Variants in DPYD observed in about 807,000 individuals in gnomAD.
DPYD encodes the protein dihydropyrimidine dehydrogenase [NADP(+)].
A neutral mutation model predicts 116.2 loss-of-function variants in DPYD; 109 were observed. The observed-to-expected ratio is 0.94, with a 90% CI of 0.80 to 1.10. DPYD has a LOEUF of 1.10. DPYD is among the 50% of genes least tolerant of loss of function. The pLI is 0.00. For missense variants in DPYD, 1,302 were observed against 1,254.5 expected (o/e 1.04, Z -0.57); for synonymous variants, 440 against 432.0 (o/e 1.02, Z -0.23).
At chr1:97,907,406 T>C (rs1300725279) in intron 1 of DPYD, among the ~76,000 whole-genome samples, 1 of 151,952 alleles carries the variant, frequency 6.6e-6, no homozygotes, top group Admixed American at 6.6e-5. Flanking sequence ...CATTTGTTCT[T>C]AACTTATTTC....
chr1:97,323,243 C>T (rs1470606290), intron 16 of DPYD, among the ~76,000 whole-genome samples: 1 of 102,624 alleles, frequency 9.7e-6, no homozygotes, highest in African/African-American at 3.2e-5. Context: ...TATGTATACA[C>T]ATTTATATAC....
intron 15 of DPYD, among the ~76,000 whole-genome samples, 168 bp from the exon 16 acceptor site, chr1:97,373,812 A>G (rs1671438940): frequency 2.0e-5 from 3 of 152,356 alleles, no homozygotes; most frequent in African/African-American, 7.2e-5. Flanking sequence ...TAAGGTCTAT[A>G]TAACAACCAC....
chr1:97,422,490 A>G (rs1336250284), intron 14 of DPYD, among the ~76,000 whole-genome samples: 1 of 152,156 alleles, frequency 6.6e-6, no homozygotes, highest in Non-Finnish European at 1.5e-5. Flanking sequence ...TGTACCAAAC[A>G]AAGGAGAGGT....
chr1:97,387,803 C>G (rs901090100), intron 14 of DPYD, among the ~76,000 whole-genome samples: 4 of 152,022 alleles, frequency 2.6e-5, no homozygotes, highest in Non-Finnish European at 5.9e-5. Context: ...GTTGTAGATT[C>G]ATGAGAGGAC....
chr1:97,500,548 T>C (rs1242357089), intron 13 of DPYD, among the ~76,000 whole-genome samples: 1 of 152,096 alleles, frequency 6.6e-6, no homozygotes, highest in Non-Finnish European at 1.5e-5. Context: ...TATCGTTTTT[T>C]ATTTTTTGCC....
At position 97,732,868 on chromosome 1, in the gene DPYD, A is replaced by G. The variant is rs1030292338; in HGVS notation, c.321+7524T>C. 2.0e-5 allele frequency among the ~76,000 whole-genome samples: 3 copies of G among 152,134 alleles called. No homozygotes were observed. In the East Asian group the frequency reaches 5.8e-4, roughly 29 times the overall value. On this transcript the variant is annotated intron_variant, in intron 4 of 22. Transcript: ENST00000370192. ...TATTATAGTCTGAACATGGTGCTCA[A>G]TATTTATTCTGTAGAACTCTTTCAG...
intron 19 of DPYD, among the ~76,000 whole-genome samples, chr1:97,194,935 C>A (rs533076548): frequency 2.6e-5 from 4 of 152,204 alleles, no homozygotes; most frequent in Non-Finnish European, 4.4e-5. Context: ...ACTAAAAAAA[C>A]CCTGGGGATT....
chr1:97,345,476 AC>A (rs1669793722), intron 16 of DPYD, among the ~76,000 whole-genome samples: 1 of 151,960 alleles, frequency 6.6e-6, no homozygotes, highest in East Asian at 1.9e-4. Context: ...AAATCCTTTC[AC>A]CAAGCAAAAT....
At chr1:97,196,667 T>A (rs1162756713) in intron 19 of DPYD, among the ~76,000 whole-genome samples, 1 of 152,170 alleles carries the variant, frequency 6.6e-6, no homozygotes, top group Non-Finnish European at 1.5e-5. Context: ...AAGATAGGTT[T>A]AATTTTCAGC....
chr1:97,465,347 T>C (rs868111386), intron 13 of DPYD, among the ~76,000 whole-genome samples: 7 of 152,162 alleles, frequency 4.6e-5, no homozygotes, highest in Non-Finnish European at 5.9e-5. Context: ...GTTAAGATTC[T>C]GGGGGACTGT....
intron 5 of DPYD, chr1:97,719,656 G>A (rs1662812770): frequency 1.0e-6 from 1 of 955,236 alleles, no homozygotes; most frequent in African/African-American, 1.8e-5. Flanking sequence ...TTTGACAGTT[G>A]GGTAAATTTA....
intron 13 of DPYD, among the ~76,000 whole-genome samples, chr1:97,473,591 C>A (rs1452708016): frequency 6.6e-6 from 1 of 152,076 alleles, no homozygotes; most frequent in East Asian, 1.9e-4. Flanking sequence ...GAGCTATCAC[C>A]CCACACCAAT....
chr1:97,327,154 T>C (rs1162811306), intron 16 of DPYD, among the ~76,000 whole-genome samples: 1 of 152,038 alleles, frequency 6.6e-6, no homozygotes, highest in Non-Finnish European at 1.5e-5. Flanking sequence ...AACTAACATA[T>C]ATACCACAGT....
chr1:97,286,740 G>A (rs566291049), intron 18 of DPYD, among the ~76,000 whole-genome samples: 53 of 152,018 alleles, frequency 3.5e-4, no homozygotes, highest in Non-Finnish European at 5.6e-4. Flanking sequence ...CATTCTTCAC[G>A]TAGTTCTCGA....
At chr1:97,443,659 G>A (rs565382434) in intron 14 of DPYD, among the ~76,000 whole-genome samples, 6 of 152,312 alleles carry the variant, frequency 3.9e-5, no homozygotes, top group South Asian at 2.1e-4. Flanking sequence ...TCATGCTCTC[G>A]ACGTTCTTTG....
At chr1:97,228,024 GT>G (rs534588512) in intron 19 of DPYD, among the ~76,000 whole-genome samples, 72 of 151,376 alleles carry the variant, frequency 4.8e-4, no homozygotes, top group Middle Eastern at 3.5e-3. Context: ...AATGAAGTCT[GT>G]TTTTTTCCCA....
At chr1:97,658,738 T>C (rs978504712) in intron 8 of DPYD, among the ~76,000 whole-genome samples, 7 of 152,110 alleles carry the variant, frequency 4.6e-5, no homozygotes, top group Non-Finnish European at 8.8e-5. Flanking sequence ...GCATAAAACC[T>C]TTTCATCACT....
rs570081502 is a variant in DPYD, at chr1:97,810,209, C to A, written c.233+17905G>T. The stretch of plus-strand genomic sequence containing the variant: ...GGCTGAGGCAGGAGAATGGTGTGAA[C>A]CCAGGAGGCAGAGCTTGCAGTGAGC... On this transcript the variant is annotated intron_variant, in intron 3 of 22. Transcript: ENST00000370192. Among the ~76,000 whole-genome samples, 42 of 150,498 alleles carry A rather than the reference C, an allele frequency of 2.8e-4. No homozygotes were observed. In the South Asian group the frequency reaches 8.9e-3, roughly 32 times the overall value.
chr1:97,429,500 T>C (rs983294532), intron 14 of DPYD, among the ~76,000 whole-genome samples: 2 of 152,090 alleles, frequency 1.3e-5, no homozygotes, highest in African/African-American at 4.8e-5. Context: ...ATATGGTACA[T>C]TTAACCGTTG....
Sources: allele counts gnomAD v4.1 joint callset (sites outside exome capture counted in the v4.1 genomes callset), GRCh38; gene constraint gnomAD v4.1.1; transcripts MANE v1.5; gene names NCBI Gene and HGNC (gene_info 2026-07-23, HGNC 2026-07-21).